Variants in EPS15 observed in about 807,000 individuals in gnomAD.
EPS15 encodes epidermal growth factor receptor pathway substrate 15.
A neutral mutation model predicts 113.8 loss-of-function variants in EPS15; 72 were observed. The observed-to-expected ratio is 0.63, with a 90% CI of 0.52 to 0.77. The LOEUF (loss-of-function observed/expected upper bound fraction) is 0.77. Among genes scored for constraint, EPS15 ranks in the 30% least tolerant of loss-of-function variants. EPS15 has a pLI of 0.00. For missense variants in EPS15, 1,048 were observed against 1,045.8 expected (o/e 1.00, Z -0.03); for synonymous variants, 344 against 363.4 (o/e 0.95, Z 0.61).
intron 4 of EPS15, among the ~76,000 whole-genome samples, chr1:51,469,267 C>T (rs1655077120): frequency 6.6e-6 from 1 of 152,104 alleles, no homozygotes; most frequent in Non-Finnish European, 1.5e-5. Flanking sequence ...AAAGTCATCT[C>T]TGGATTGTGA....
chr1:51,491,246 T>G (rs1466530482), intron 1 of EPS15, among the ~76,000 whole-genome samples: 1 of 152,188 alleles, frequency 6.6e-6, no homozygotes, highest in Non-Finnish European at 1.5e-5. Context: ...CACATAAAAA[T>G]TCAACTACTT....
intron 1 of EPS15, 138 bp from the exon 2 acceptor site, chr1:51,481,452 T>C: frequency 1.7e-6 from 1 of 602,070 alleles, no homozygotes; most frequent in Non-Finnish European, 3.0e-6. Flanking sequence ...AGATTTTGTT[T>C]CTTCTTGGGG....
At chr1:51,366,787 G>C (rs1396217297) in intron 21 of EPS15, among the ~76,000 whole-genome samples, 1 of 152,148 alleles carries the variant, frequency 6.6e-6, no homozygotes, top group Non-Finnish European at 1.5e-5. Context: ...GAGTAACTTA[G>C]GTGTCACTAC....
intron 12 of EPS15, among the ~76,000 whole-genome samples, chr1:51,425,834 C>A (rs1454778797): frequency 6.6e-6 from 1 of 152,000 alleles, no homozygotes; most frequent in Non-Finnish European, 1.5e-5. Context: ...TAATATTGAG[C>A]CTAAATATTA....
At position 51,432,587 on chromosome 1, in the gene EPS15, A is replaced by T. The variant is rs1651824914; in HGVS notation, c.1040+7760T>A. 2.0e-5 allele frequency among the ~76,000 whole-genome samples: 3 copies of T among 151,852 alleles called. No individual in the cohort carries two copies. The South Asian group carries it at 6.2e-4, about 32-fold the overall frequency. On this transcript the variant is annotated intron_variant, in intron 12 of 24. Transcript: ENST00000371733. ...GATGAAAAATACTAAGATATTTTAC[A>T]TTTTTTTTCATTCTAAATCTTTGAA...
At chr1:51,439,202 A>G (rs147060371) in intron 12 of EPS15, among the ~76,000 whole-genome samples, 446 of 152,278 alleles carry the variant, frequency 2.9e-3, no homozygotes, top group Non-Finnish European at 4.7e-3. Context: ...GAGCCTCAAT[A>G]TCAAGGAATG....
At position 51,443,692 on chromosome 1, in the gene EPS15, C is replaced by T. The variant is rs1354982410; in HGVS notation, c.954+1197G>A. Reference sequence around the variant, plus strand: ...GAGACAGGGTCTTGCTCTGTTGCCCCGGCTGGAGTGTAGCAGTTGGATCTT... The same window carrying T: ...GAGACAGGGTCTTGCTCTGTTGCCCTGGCTGGAGTGTAGCAGTTGGATCTT... On this transcript the variant is annotated intron_variant, in intron 11 of 24. Coordinates refer to ENST00000371733, the MANE Select transcript of EPS15 (RefSeq NM_001981.3). Among the ~76,000 whole-genome samples, 7 of 151,432 alleles carry T rather than the reference C, an allele frequency of 4.6e-5. No individual in the cohort carries two copies. In the East Asian group the frequency reaches 9.7e-4, roughly 21 times the overall value.
rs114926998 is a variant in EPS15 at position 51,372,385 on chromosome 1, G to T, written c.2120-6356C>A. On this transcript the variant is annotated intron_variant, in intron 21 of 24. Coordinates refer to ENST00000371733, the MANE Select transcript of EPS15 (RefSeq NM_001981.3). The stretch of plus-strand genomic sequence containing the variant: ...CAGTGCATTGTTGGTGTGCTTTTGG[G>T]GTCATGGCAGACAAAAGTACTTGAT... 2.1e-3 allele frequency: 1,104 copies of T among 536,264 alleles called. 9 individuals are homozygous for T. Among genetic ancestry groups the T allele is most frequent in the African/African-American group, 0.018 (943 of 51,976 alleles). The allele number at this position is 536,264 out of a possible 1,614,324, so 33.2% of individuals were successfully genotyped here. A position where few individuals can be genotyped will look rare whatever the true frequency, so the allele number is the denominator to read the frequency against.
At chr1:51,454,069 A>C (rs1381108768) in intron 8 of EPS15, among the ~76,000 whole-genome samples, 1 of 148,702 alleles carries the variant, frequency 6.7e-6, no homozygotes, top group African/African-American at 2.5e-5. Flanking sequence ...AAAAAAAAAA[A>C]AAAGGGAAAA....
chr1:51,466,661 A>C (rs1197696975), intron 5 of EPS15, among the ~76,000 whole-genome samples: 1 of 151,592 alleles, frequency 6.6e-6, no homozygotes, highest in Non-Finnish European at 1.5e-5. Context: ...TAAAATCTGT[A>C]CTCACATCCT....
chr1:51,361,256 G>T lies in EPS15; in HGVS notation c.2459C>A (p.Pro820His). 1 of 1,613,804 alleles carries T rather than the reference G, an allele frequency of 6.2e-7. No individual in the cohort carries two copies. The highest frequency in any genetic ancestry group is 1.7e-5 in the Admixed American group (1 of 60,020). The change falls in exon 24 of 25, where the codon CCT (proline) becomes CAT (histidine). Residue 820 changes from proline to histidine, a missense_variant. Pro to His is a moderately conservative substitution (Grantham distance 77). Coordinates refer to ENST00000371733, the MANE Select transcript of EPS15 (RefSeq NM_001981.3). ...AGTGAATGGATCACAAAATATTTCAGGATCTTTTTCTTTGGGGCTATCGTT... is the reference window on the plus strand; with the variant it reads ...AGTGAATGGATCACAAAATATTTCATGATCTTTTTCTTTGGGGCTATCGTT... ...PGNDSPKEKD[P>H]EIFCDPFTSA... is the part of the protein sequence containing the mutation.
At chr1:51,437,675 G>A (rs528936647) in intron 12 of EPS15, among the ~76,000 whole-genome samples, 9 of 151,956 alleles carry the variant, frequency 5.9e-5, no homozygotes, top group South Asian at 4.2e-4. Context: ...TAGAGACAAC[G>A]TTTCACCATG....
chr1:51,447,781 T>G (rs1205499570), intron 9 of EPS15, among the ~76,000 whole-genome samples: 1 of 152,178 alleles, frequency 6.6e-6, no homozygotes, highest in Non-Finnish European at 1.5e-5. Flanking sequence ...AGAAGGAATA[T>G]CTGTCTTCTC....
At chr1:51,453,648 G>A (rs944199270) in intron 8 of EPS15, among the ~76,000 whole-genome samples, 13 of 152,032 alleles carry the variant, frequency 8.6e-5, no homozygotes, top group Non-Finnish European at 1.6e-4. Context: ...CAAAGTAAAA[G>A]TATAAAAAAT....
chr1:51,510,392 C>T (rs1352355536), intron 1 of EPS15, among the ~76,000 whole-genome samples: 1 of 152,194 alleles, frequency 6.6e-6, no homozygotes, highest in Non-Finnish European at 1.5e-5. Flanking sequence ...TAAAATACAA[C>T]CGTGAGCAAG....
intron 3 of EPS15, 50 bp from the exon 4 acceptor site, chr1:51,471,787 T>A: frequency 7.8e-7 from 1 of 1,284,658 alleles, no homozygotes; most frequent in Non-Finnish European, 1.1e-6. Context: ...ACAAAAGTCA[T>A]CTGAATGATA....
chr1:51,517,197 T>C (rs756209520), intron 1 of EPS15, among the ~76,000 whole-genome samples: 1 of 152,238 alleles, frequency 6.6e-6, no homozygotes, highest in African/African-American at 2.4e-5. Flanking sequence ...TGCCTCTTCA[T>C]GTTTTAAAAT....
At chr1:51,420,646 C>G (rs373683208) in intron 13 of EPS15, among the ~76,000 whole-genome samples, 1 of 152,180 alleles carries the variant, frequency 6.6e-6, no homozygotes, top group Non-Finnish European at 1.5e-5. Context: ...CACCTAACCT[C>G]ACTGCCAGAG....
chr1:51,463,651 T>C, intron 7 of EPS15, 22 bp downstream of exon 7: 1 of 1,458,176 alleles, frequency 6.9e-7, no homozygotes, highest in East Asian at 2.3e-5. Context: ...AAAATTACAT[T>C]TCGGAGTAAA....
Sources: allele counts gnomAD v4.1 joint callset (sites outside exome capture counted in the v4.1 genomes callset), GRCh38; gene constraint gnomAD v4.1.1; transcripts MANE v1.5; gene names NCBI Gene and HGNC (gene_info 2026-07-23, HGNC 2026-07-21).